Variants in THTPA observed in about 807,000 individuals in gnomAD.
THTPA encodes the protein thiamine-triphosphatase.
In THTPA, 16 loss-of-function variants were observed where a neutral mutation model predicts 16.5. The ratio of observed to expected loss-of-function variants is 0.97; its 90% CI spans 0.66 to 1.47. The LOEUF is 1.47. THTPA is among the 40% of genes most tolerant of loss of function. The pLI, the probability that THTPA is intolerant of heterozygous loss-of-function variation, is 0.00. For synonymous variants in THTPA, 110 were observed against 115.5 expected (o/e 0.95, Z 0.30); for missense variants, 281 against 280.9 (o/e 1.00, Z 0.00).
At chr14:23,527,057 A>G in the THTPA span, 2,776 of 1,404,974 alleles carry the variant, frequency 2.0e-3, 46 homozygotes, top group African/African-American at 0.037. Context: ...CTACACCTGT[A>G]CTTGTGCCGA....
chr14:23,534,676 G>C, the THTPA span: 7 of 1,536,192 alleles, frequency 4.6e-6, no homozygotes, highest in Middle Eastern at 3.3e-4. The surrounding 1 kb of genome is among the most constrained non-coding windows in gnomAD (Gnocchi z 4.5). Flanking sequence ...GGGATCTCCG[G>C]GTGGATTTGG....
chr14:23,522,344 T>A, the THTPA span: 2 of 1,535,344 alleles, frequency 1.3e-6, no homozygotes, highest in South Asian at 1.2e-5. Context: ...ATGGGTTACA[T>A]CCACGGTGGA....
the THTPA span, chr14:23,526,470 G>T: frequency 6.5e-7 from 1 of 1,536,150 alleles, no homozygotes; most frequent in Non-Finnish European, 8.7e-7. Context: ...TCTGCAGAGC[G>T]GAGCTCCCCA....
At chr14:23,525,818 C>T in the THTPA span, 14 of 1,462,410 alleles carry the variant, frequency 9.6e-6, no homozygotes, top group African/African-American at 2.0e-4. This position sits in a 1 kb window ranked among gnomAD's most constrained non-coding sequence, Gnocchi z 5.9. Context: ...CAGCTTGGGC[C>T]CCACCTTGAG....
the THTPA span, among the ~76,000 whole-genome samples, chr14:23,537,344 C>T: frequency 1.9e-4 from 29 of 152,022 alleles, no homozygotes; most frequent in Admixed American, 1.8e-3. Context: ...CTCTAGCTCT[C>T]GTATTAGCAG....
At chr14:23,527,518 C>T in the THTPA span, 5 of 1,490,224 alleles carry the variant, frequency 3.4e-6, no homozygotes, top group Admixed American at 5.9e-5. Context: ...ACACATGCAC[C>T]TGCCTGAATA....
rs1195247029 is a variant in THTPA, at chr14:23,557,215, A to G, written c.458A>G (p.Tyr153Cys). Reference protein sequence around the residue: ...RVDLDTADFGYAVGEVEALVH... With the variant: ...RVDLDTADFGCAVGEVEALVH... ...GACTTGGATACAGCCGACTTTGGCT[A>G]CGCTGTGGGTGAGGTAGAGGCCCTG... The change falls in exon 1 of 2, where the codon TAC becomes TGC. Residue 153 changes from tyrosine (Y) to cysteine (C), a missense_variant. By Grantham distance (194) the Tyr-to-Cys change is radical. Transcript: ENST00000288014. 3 of 1,613,746 alleles carry G rather than the reference A, an allele frequency of 1.9e-6. No individual in the cohort carries two copies. Among genetic ancestry groups the G allele is most frequent in the Admixed American group, 1.7e-5 (1 of 59,976 alleles).
Position 23,558,954 on chromosome 14 carries a change from C to G in THTPA, c.*114C>G. On this transcript the variant is annotated 3_prime_UTR_variant, in exon 2 of 2. Coordinates refer to ENST00000288014, the MANE Select transcript of THTPA (RefSeq NM_024328.6). Reference sequence around the variant, plus strand: ...CTGACAGTGACTCCTCTCTCTCCAGCGCTGCCTGTTTCTTCCCCCTCCTCT... The same window carrying G: ...CTGACAGTGACTCCTCTCTCTCCAGGGCTGCCTGTTTCTTCCCCCTCCTCT... 7.7e-7 allele frequency: 1 copy of G among 1,304,456 alleles called. No homozygotes were observed. The highest frequency in any genetic ancestry group is 1.0e-6 in the Non-Finnish European group (1 of 954,204). 80.8% of individuals were successfully genotyped at this position (1,304,456 alleles called of 1,614,324 possible). A position where few individuals can be genotyped will look rare whatever the true frequency, so the allele number is the denominator to read the frequency against.
chr14:23,532,080 G>T, the THTPA span: 1 of 183,142 alleles, frequency 5.5e-6, no homozygotes, highest in Admixed American at 6.1e-5. Flanking sequence ...CTAGCCTCAG[G>T]GGACTTCTTT....
chr14:23,521,400 T>C, the THTPA span: 2 of 152,478 alleles, frequency 1.3e-5, no homozygotes, highest in South Asian at 2.1e-4. Flanking sequence ...TTGTGAGCGG[T>C]GTGGTGCTCT....
At chr14:23,554,852 T>C (rs1882231890), upstream of THTPA, among the ~76,000 whole-genome samples, 1 of 152,142 alleles carries the variant, frequency 6.6e-6, no homozygotes, top group African/African-American at 2.4e-5. Flanking sequence ...CTCAGGGAGC[T>C]TCCTCACATG....
the THTPA span, chr14:23,529,784 GA>G: frequency 2.0e-6 from 3 of 1,536,260 alleles, no homozygotes; most frequent in Non-Finnish European, 2.6e-6. Context: ...GATGAAAGAA[GA>G]GGAGATTAAG....
the THTPA span, among the ~76,000 whole-genome samples, chr14:23,517,458 A>G: frequency 6.6e-6 from 1 of 152,298 alleles, no homozygotes; most frequent in Non-Finnish European, 1.5e-5. Flanking sequence ...TCTCAGTATA[A>G]AGGCATTTCT....
the THTPA span, among the ~76,000 whole-genome samples, chr14:23,514,870 C>G: frequency 1.3e-5 from 2 of 152,164 alleles, no homozygotes; most frequent in African/African-American, 4.8e-5. Context: ...TCAGCACTCC[C>G]TGGTCAATCT....
chr14:23,530,301 G>A, the THTPA span: 1 of 866,092 alleles, frequency 1.2e-6, no homozygotes, highest in East Asian at 2.6e-5. Flanking sequence ...AGGAGAAAAT[G>A]GATGGCTCAA....
At chr14:23,526,150 C>T in the THTPA span, 1 of 1,536,520 alleles carries the variant, frequency 6.5e-7, no homozygotes, top group South Asian at 1.2e-5. Context: ...GCATGTGGAT[C>T]TCCAGGGTGG....
At chr14:23,541,197 C>T in the THTPA span, among the ~76,000 whole-genome samples, 18 of 151,944 alleles carry the variant, frequency 1.2e-4, no homozygotes, top group East Asian at 3.5e-3. Flanking sequence ...TGAGCCACTG[C>T]GCCCGGCCTC....
chr14:23,533,057 T>C, the THTPA span: 7 of 1,533,200 alleles, frequency 4.6e-6, no homozygotes, highest in Non-Finnish European at 6.1e-6. The surrounding 1 kb of genome is among the most constrained non-coding windows in gnomAD (Gnocchi z 4.8). Context: ...TGGAGGCAGG[T>C]GGGCATCAGG....
chr14:23,522,621 C>G, the THTPA span: 1 of 1,533,838 alleles, frequency 6.5e-7, no homozygotes, highest in African/African-American at 1.4e-5. Context: ...GCTGTTCCCC[C>G]AGCAGGGGGC....
Sources: gnomAD v4.1 joint callset for allele counts (sites outside exome capture counted in the v4.1 genomes callset) on GRCh38, gnomAD v4.1.1 for gene constraint, Gnocchi (gnomAD v3.1) non-coding constraint, MANE v1.5 for transcripts, NCBI Gene and HGNC (gene_info 2026-07-23, HGNC 2026-07-21) for gene names.